Variants in DLGAP4 observed in about 807,000 individuals in gnomAD.
The protein encoded by DLGAP4 is disks large-associated protein 4.
DLGAP4 carries 18 observed loss-of-function variants against 86.9 expected under a neutral mutation model. The observed-to-expected ratio is 0.21, with a 90% CI of 0.14 to 0.31. The LOEUF is 0.31. Among genes scored for constraint, DLGAP4 ranks in the 10% least tolerant of loss-of-function variants. The pLI is 1.00. For synonymous variants in DLGAP4, 548 were observed against 574.3 expected, an observed-to-expected ratio of 0.95 and a Z score of 0.65; for missense variants, 1,085 against 1,362.6, an observed-to-expected ratio of 0.80 and a Z score of 3.21.
intron 7 of DLGAP4, among the ~76,000 whole-genome samples, chr20:36,496,029 C>T (rs1255374151): frequency 2.0e-5 from 3 of 152,146 alleles, no homozygotes; most frequent in Non-Finnish European, 4.4e-5. Context: ...TGCGCCACCA[C>T]GCCCAGCTAA....
intron 2 of DLGAP4, among the ~76,000 whole-genome samples, chr20:36,381,988 G>A (rs761407498): frequency 5.3e-5 from 8 of 152,202 alleles, no homozygotes; most frequent in Non-Finnish European, 1.0e-4. Context: ...CAGTGTCTGA[G>A]TCTGGCAGCT....
chr20:36,386,385 A>G (rs2031597333), intron 2 of DLGAP4, among the ~76,000 whole-genome samples: 1 of 151,746 alleles, frequency 6.6e-6, no homozygotes, highest in Non-Finnish European at 1.5e-5. Flanking sequence ...GGAGGAGGGA[A>G]AAAAGGGAGA....
chr20:36,433,087 A>T (rs1204729733), intron 3 of DLGAP4, among the ~76,000 whole-genome samples: 1 of 152,140 alleles, frequency 6.6e-6, no homozygotes, highest in Non-Finnish European at 1.5e-5. Context: ...GAGGACAGGG[A>T]TCACATCTGA....
chr20:36,432,404 A>G lies in DLGAP4; in HGVS notation c.687A>G (p.Thr229=), dbSNP rs755750777. The change falls in exon 3 of 13, where the codon ACA becomes ACG. Residue 229 remains threonine, a synonymous_variant. Transcript: ENST00000339266. The surrounding 1 kb of genome is among the most constrained non-coding windows in gnomAD (Gnocchi z 6.5). ...RSSGPASGLM[T]LGRQAERSQP... Reference sequence around the variant, plus strand: ...GTGGCCCAGCCTCTGGGCTGATGACACTAGGCCGCCAGGCAGAACGCAGCC... The same window carrying G: ...GTGGCCCAGCCTCTGGGCTGATGACGCTAGGCCGCCAGGCAGAACGCAGCC... 1 of 1,613,578 alleles carries G rather than the reference A, an allele frequency of 6.2e-7. No individual in the cohort carries two copies. The highest frequency in any genetic ancestry group is 1.7e-5 in the Admixed American group (1 of 60,012).
intron 10 of DLGAP4, among the ~76,000 whole-genome samples, chr20:36,514,976 C>T (rs572181110): frequency 1.4e-4 from 21 of 152,080 alleles, no homozygotes; most frequent in African/African-American, 5.1e-4. Flanking sequence ...GTGGAGAGGA[C>T]GCGTAGGACG....
intron 10 of DLGAP4, among the ~76,000 whole-genome samples, chr20:36,501,625 C>G (rs2036148512): frequency 6.6e-6 from 1 of 152,222 alleles, no homozygotes; most frequent in African/African-American, 2.4e-5. Context: ...CTGCACCCAC[C>G]TGGTTCACCT....
intron 1 of DLGAP4, among the ~76,000 whole-genome samples, chr20:36,329,684 G>A (rs781954894): frequency 4.6e-5 from 7 of 152,106 alleles, no homozygotes; most frequent in Non-Finnish European, 1.0e-4. Context: ...ATCACTTGAG[G>A]TCAGGAGTTC....
At chr20:36,337,039 C>T (rs576605199) in intron 1 of DLGAP4, among the ~76,000 whole-genome samples, 3 of 152,162 alleles carry the variant, frequency 2.0e-5, no homozygotes, top group East Asian at 3.9e-4. Flanking sequence ...CTGGGGGAGT[C>T]GGGAGAGAGT....
chr20:36,439,584 AG>A (rs1331388209), intron 4 of DLGAP4, among the ~76,000 whole-genome samples, 169 bp from the exon 5 acceptor site: 1 of 152,258 alleles, frequency 6.6e-6, no homozygotes, highest in African/African-American at 2.4e-5. Flanking sequence ...AGAATTGGGC[AG>A]GGCCAGCCTC....
intron 10 of DLGAP4, among the ~76,000 whole-genome samples, chr20:36,502,146 CCT>C (rs1022749038): frequency 6.6e-6 from 1 of 152,144 alleles, no homozygotes; most frequent in Non-Finnish European, 1.5e-5. Flanking sequence ...CCTCTGTCTC[CCT>C]TTCTCCCACC....
chr20:36,328,097 G>A (rs765494530), intron 1 of DLGAP4, among the ~76,000 whole-genome samples: 32 of 152,134 alleles, frequency 2.1e-4, no homozygotes, highest in Non-Finnish European at 3.8e-4. Flanking sequence ...TACTCAGGAG[G>A]CTGAGGCAGG....
intron 5 of DLGAP4, among the ~76,000 whole-genome samples, chr20:36,441,997 C>G (rs974229348): frequency 1.3e-5 from 2 of 152,140 alleles, no homozygotes. Context: ...ATCCTCTGAC[C>G]CCTCACAGCC....
intron 7 of DLGAP4, chr20:36,461,663 G>GCCCCGCC: frequency 1.1e-4 from 7 of 63,044 alleles, no homozygotes; most frequent in Non-Finnish European, 1.3e-4. Context: ...GGGCCGCCCC[G>GCCCCGCC]CCCGGCCCGG....
chr20:36,462,287 TTCTC>T, intron 7 of DLGAP4: 1 of 1,312,948 alleles, frequency 7.6e-7, no homozygotes, highest in South Asian at 1.9e-5. Context: ...TCTCTCCTTG[TTCTC>T]TCTCAGGTCT....
At chr20:36,467,412 T>TGAGGC (rs540311643) in intron 7 of DLGAP4, among the ~76,000 whole-genome samples, 113 of 152,056 alleles carry the variant, frequency 7.4e-4, no homozygotes, top group Non-Finnish European at 1.2e-3. Context: ...CTAGTTTTGC[T>TGAGGC]GAGGCATCAG....
chr20:36,329,960 G>T (rs1430520574), intron 1 of DLGAP4, among the ~76,000 whole-genome samples: 1 of 151,628 alleles, frequency 6.6e-6, no homozygotes, highest in Non-Finnish European at 1.5e-5. Context: ...AACCGGGGAG[G>T]TGGAGGTTGC....
intron 9 of DLGAP4, 41 bp downstream of exon 9, chr20:36,499,717 C>T (rs1433874329): frequency 2.0e-6 from 3 of 1,519,192 alleles, no homozygotes; most frequent in South Asian, 1.2e-5. Context: ...CCCCTCTCCT[C>T]TCCCTCCCTC....
chr20:36,525,733 C>A (rs1289221916), intron 11 of DLGAP4, 118 bp from the exon 12 acceptor site: 40 of 1,370,504 alleles, frequency 2.9e-5, no homozygotes, highest in Middle Eastern at 2.5e-4. Flanking sequence ...AGACACTAGG[C>A]CTCAAGAGCC....
chr20:36,471,857 G>A (rs1359567956), intron 7 of DLGAP4, among the ~76,000 whole-genome samples: 1 of 152,148 alleles, frequency 6.6e-6, no homozygotes, highest in Non-Finnish European at 1.5e-5. Flanking sequence ...CTGAGATACG[G>A]TCAAGATCAT....
Sources: allele counts gnomAD v4.1 joint callset (sites outside exome capture counted in the v4.1 genomes callset), GRCh38; gene constraint gnomAD v4.1.1; non-coding constraint Gnocchi (gnomAD v3.1); transcripts MANE v1.5; gene names NCBI Gene and HGNC (gene_info 2026-07-23, HGNC 2026-07-21).